Variants in KYNU observed in about 807,000 individuals in gnomAD.
The protein encoded by KYNU is L-kynurenine hydrolase.
In KYNU, 54 loss-of-function variants were observed where a neutral mutation model predicts 59.2. The observed-to-expected ratio is 0.91, with a 90% confidence interval of 0.73 to 1.14. KYNU has a LOEUF of 1.14. KYNU is among the 50% of genes most tolerant of loss of function. KYNU has a pLI of 0.00. For synonymous variants in KYNU, 177 were observed against 192.0 expected, an observed-to-expected ratio of 0.92 and a Z score of 0.65; for missense variants, 567 against 554.4, an observed-to-expected ratio of 1.02 and a Z score of -0.23.
intron 10 of KYNU, among the ~76,000 whole-genome samples, chr2:143,017,339 A>G (rs1686280132): frequency 6.6e-6 from 1 of 152,080 alleles, no homozygotes; most frequent in East Asian, 1.9e-4. Context: ...CACATAGCTG[A>G]AAAAAATTAC....
At chr2:142,878,056 T>C (rs1263438576) in intron 1 of KYNU, among the ~76,000 whole-genome samples, 1 of 152,130 alleles carries the variant, frequency 6.6e-6, no homozygotes, top group Non-Finnish European at 1.5e-5. Flanking sequence ...GCGGTAAGAT[T>C]AGGTCAAACT....
intron 2 of KYNU, among the ~76,000 whole-genome samples, chr2:142,901,052 CAAA>C (rs34574070): frequency 2.8e-4 from 33 of 116,494 alleles, no homozygotes; most frequent in South Asian, 2.6e-4. Flanking sequence ...GACTCCATCT[CAAA>C]AAAAAAAAAA....
intron 4 of KYNU, among the ~76,000 whole-genome samples, chr2:142,937,742 G>A (rs1003123143): frequency 7.2e-5 from 11 of 152,184 alleles, no homozygotes; most frequent in African/African-American, 2.7e-4. Flanking sequence ...TCCTTTGATT[G>A]GCCAAAATGT....
chr2:142,955,740 G>A (rs534401851), intron 5 of KYNU, among the ~76,000 whole-genome samples: 2 of 152,134 alleles, frequency 1.3e-5, no homozygotes, highest in South Asian at 4.1e-4. Context: ...TCACTCTCTA[G>A]GAACTGTGTG....
At chr2:142,975,560 C>G (rs960954284) in intron 8 of KYNU, among the ~76,000 whole-genome samples, 4 of 152,164 alleles carry the variant, frequency 2.6e-5, no homozygotes, top group African/African-American at 7.2e-5. Context: ...TAACATACCC[C>G]TAGATGCTAC....
intron 10 of KYNU, among the ~76,000 whole-genome samples, chr2:143,025,425 C>T (rs529473095): frequency 1.3e-5 from 2 of 152,112 alleles, no homozygotes; most frequent in East Asian, 3.9e-4. Flanking sequence ...TACAGTAGCC[C>T]TTCAGATTTT....
chr2:142,939,835 A>G (rs1683532248), intron 4 of KYNU, among the ~76,000 whole-genome samples: 1 of 152,196 alleles, frequency 6.6e-6, no homozygotes, highest in Admixed American at 6.5e-5. Flanking sequence ...GGGGCAGCTC[A>G]CGTGGAGTCA....
At chr2:142,947,322 C>A (rs909524479) in intron 4 of KYNU, 2 of 1,204,384 alleles carry the variant, frequency 1.7e-6, no homozygotes, top group African/African-American at 1.5e-5. Context: ...AGAAGCATTC[C>A]ATTTTTTCTA....
chr2:142,956,340 T>C, intron 6 of KYNU, 66 bp downstream of exon 6: 1 of 991,462 alleles, frequency 1.0e-6, no homozygotes, highest in South Asian at 1.4e-5. Context: ...ATCATTTGCC[T>C]GACTTGAATG....
chr2:142,999,388 C>T (rs1228615748), intron 10 of KYNU, among the ~76,000 whole-genome samples: 2 of 152,016 alleles, frequency 1.3e-5, no homozygotes, highest in Admixed American at 1.3e-4. Flanking sequence ...ATAATAAAAT[C>T]TCAATTAACA....
At chr2:142,989,211 C>CTTTA in intron 10 of KYNU, 1 of 344,568 alleles carries the variant, frequency 2.9e-6, no homozygotes. Flanking sequence ...TTTGAGTAAA[C>CTTTA]TTTAGAGTCT....
At chr2:142,914,527 T>C (rs1332111309) in intron 2 of KYNU, among the ~76,000 whole-genome samples, 1 of 152,222 alleles carries the variant, frequency 6.6e-6, no homozygotes, top group African/African-American at 2.4e-5. Flanking sequence ...TCACAGATAC[T>C]GCATTTTTTA....
intron 2 of KYNU, among the ~76,000 whole-genome samples, chr2:142,914,252 C>T (rs917482587): frequency 4.6e-5 from 7 of 152,200 alleles, no homozygotes; most frequent in African/African-American, 1.7e-4. Context: ...GGGAACTTTC[C>T]CCAGGTCTGT....
intron 5 of KYNU, 137 bp downstream of exon 5, chr2:142,955,008 A>T (rs1205584506): frequency 3.1e-6 from 2 of 643,998 alleles, no homozygotes; most frequent in African/African-American, 3.7e-5. Context: ...TTTACTAGGA[A>T]ATGCTGGACC....
At chr2:142,881,444 C>G (rs1055474003) in intron 1 of KYNU, 5 of 152,174 alleles carry the variant, frequency 3.3e-5, no homozygotes, top group African/African-American at 1.2e-4. Flanking sequence ...AGAAGAATGT[C>G]TGTTTTACTG....
chr2:142,894,441 A>C (rs1681803726), intron 2 of KYNU, among the ~76,000 whole-genome samples: 1 of 152,198 alleles, frequency 6.6e-6, no homozygotes, highest in Non-Finnish European at 1.5e-5. Flanking sequence ...AATAGTAAAA[A>C]GAATATACTT....
intron 10 of KYNU, among the ~76,000 whole-genome samples, chr2:143,014,099 A>G (rs1471312306): frequency 1.3e-5 from 2 of 152,252 alleles, no homozygotes; most frequent in Non-Finnish European, 2.9e-5. Flanking sequence ...ACACAGGTCC[A>G]TTCTCCTAAC....
chr2:142,973,698 C>A (rs1409125776), intron 8 of KYNU, among the ~76,000 whole-genome samples: 1 of 152,098 alleles, frequency 6.6e-6, no homozygotes, highest in East Asian at 1.9e-4. Flanking sequence ...CTAATACCAG[C>A]TGAGGTGTAC....
chr2:142,912,008 TGTTGTTGTTGTTATTTCTTTG>T (rs1682495205), intron 2 of KYNU, among the ~76,000 whole-genome samples: 1 of 151,998 alleles, frequency 6.6e-6, no homozygotes, highest in South Asian at 2.1e-4. Context: ...TTGTTGTTGT[TGTTGTTGTTGTTATTTCTTTG>T]GCAGATTTTG....
Sources: allele counts gnomAD v4.1 joint callset (sites outside exome capture counted in the v4.1 genomes callset), GRCh38; gene constraint gnomAD v4.1.1; transcripts MANE v1.5; gene names NCBI Gene and HGNC (gene_info 2026-07-23, HGNC 2026-07-21).